PPP3CA: variants seen among roughly 807,000 people sequenced by gnomAD.
PPP3CA encodes the protein protein phosphatase 3 catalytic subunit alpha.
PPP3CA carries 14 observed loss-of-function variants against 66.5 expected under a neutral mutation model. The observed-to-expected ratio is 0.21, with a 90% CI of 0.14 to 0.33. The LOEUF is 0.33. Ranked by LOEUF, PPP3CA falls within the 10% of genes least tolerant of loss-of-function variation. PPP3CA has a pLI of 1.00. For synonymous variants in PPP3CA, 232 were observed against 226.2 expected (o/e 1.03, Z -0.23); for missense variants, 317 against 639.5 (o/e 0.50, Z 5.44).
chr4:101,130,001 G>A (rs1322841725), intron 2 of PPP3CA, among the ~76,000 whole-genome samples: 1 of 152,014 alleles, frequency 6.6e-6, no homozygotes, highest in African/African-American at 2.4e-5. Flanking sequence ...TAAGAACATT[G>A]ATACAAGGTT....
rs1206374807 is a variant in PPP3CA at position 101,049,820 on chromosome 4, A to G, written c.1157-9254T>C. 4.6e-5 allele frequency among the ~76,000 whole-genome samples: 7 copies of G among 152,108 alleles called. No homozygotes were observed. The East Asian group carries it at 1.3e-3, about 29-fold the overall frequency. ...GTCTCATATGTTTTACCCTAGATAA[A>G]AAGTTAATTTGAGTACCACTTGACA... On this transcript the variant is annotated intron_variant, in intron 10 of 13. Coordinates refer to ENST00000394854, the MANE Select transcript of PPP3CA (RefSeq NM_000944.5).
intron 1 of PPP3CA, among the ~76,000 whole-genome samples, chr4:101,197,024 A>G (rs1439743162): frequency 3.9e-5 from 6 of 152,088 alleles, no homozygotes; most frequent in Non-Finnish European, 8.8e-5. Flanking sequence ...CTATTTAAAA[A>G]CTCATTATTT....
At chr4:101,243,350 A>G (rs971968477) in intron 1 of PPP3CA, among the ~76,000 whole-genome samples, 2 of 152,276 alleles carry the variant, frequency 1.3e-5, no homozygotes, top group African/African-American at 2.4e-5. Flanking sequence ...AACCACGTAT[A>G]AAAGCATTAG....
intron 1 of PPP3CA, among the ~76,000 whole-genome samples, chr4:101,265,225 T>A (rs1176731634): frequency 1.8e-4 from 27 of 152,150 alleles, no homozygotes. Flanking sequence ...TAAGCGATCC[T>A]CCTGCCTCAG....
intron 1 of PPP3CA, among the ~76,000 whole-genome samples, chr4:101,335,929 G>A (rs1169117190): frequency 6.6e-6 from 1 of 152,206 alleles, no homozygotes; most frequent in East Asian, 1.9e-4. Flanking sequence ...AACTGGCCGG[G>A]CATGGTGGCT....
At chr4:101,141,508 C>G (rs1021272118) in intron 2 of PPP3CA, among the ~76,000 whole-genome samples, 3 of 152,120 alleles carry the variant, frequency 2.0e-5, no homozygotes, top group African/African-American at 7.2e-5. Flanking sequence ...CTAAAAATAC[C>G]AGGCCAATTC....
intron 1 of PPP3CA, among the ~76,000 whole-genome samples, chr4:101,300,974 G>A (rs1578645054): frequency 6.6e-6 from 1 of 152,096 alleles, no homozygotes; most frequent in East Asian, 1.9e-4. Context: ...AAAGGGAAAA[G>A]TATTCATCTA....
chr4:101,273,083 T>C (rs1039389160), intron 1 of PPP3CA, among the ~76,000 whole-genome samples: 10 of 152,120 alleles, frequency 6.6e-5, no homozygotes, highest in African/African-American at 2.4e-4. Flanking sequence ...AAGAATTTTA[T>C]AAATTTTCAT....
At chr4:101,141,091 C>A (rs1722793142) in intron 2 of PPP3CA, among the ~76,000 whole-genome samples, 1 of 152,064 alleles carries the variant, frequency 6.6e-6, no homozygotes, top group East Asian at 1.9e-4. Flanking sequence ...TGCTCAAAAC[C>A]CTGCAGTGGG....
At chr4:101,035,081 C>G (rs917965668) in intron 11 of PPP3CA, among the ~76,000 whole-genome samples, 1 of 152,138 alleles carries the variant, frequency 6.6e-6, no homozygotes, top group African/African-American at 2.4e-5. Context: ...GCCTGGCCAA[C>G]ATGGTGAAAC....
chr4:101,095,097 T>C (rs1730135327), intron 5 of PPP3CA, among the ~76,000 whole-genome samples: 1 of 152,082 alleles, frequency 6.6e-6, no homozygotes, highest in African/African-American at 2.4e-5. Flanking sequence ...ATGAAAAACT[T>C]CAATAAAACA....
intron 1 of PPP3CA, among the ~76,000 whole-genome samples, chr4:101,272,286 T>A (rs1727360159): frequency 6.6e-6 from 1 of 152,198 alleles, no homozygotes; most frequent in African/African-American, 2.4e-5. Context: ...GTACTACTAG[T>A]TCCATTTTAT....
At chr4:101,048,383 A>G (rs746750762) in intron 10 of PPP3CA, among the ~76,000 whole-genome samples, 3 of 151,980 alleles carry the variant, frequency 2.0e-5, no homozygotes, top group Non-Finnish European at 4.4e-5. Flanking sequence ...AGATTACTCT[A>G]TTTCTAGAGT....
rs993275054 is a variant in PPP3CA, at chr4:101,148,497, AT to A, written c.260-39420del. On this transcript the variant is annotated intron_variant, in intron 2 of 13. Transcript: ENST00000394854. The stretch of plus-strand genomic sequence containing the variant: ...ATGAAAAGAAACATTACCATAATTT[AT>A]TTTTTATACTTACAAATAGTGAATT... 3.9e-5 allele frequency among the ~76,000 whole-genome samples: 6 copies of A among 152,250 alleles called. No individual in the cohort carries two copies. In the East Asian group the frequency reaches 1.2e-3, roughly 29 times the overall value.
At chr4:101,079,589 G>A (rs187565277) in intron 8 of PPP3CA, among the ~76,000 whole-genome samples, 89 of 152,072 alleles carry the variant, frequency 5.9e-4, no homozygotes, top group African/African-American at 2.1e-3. Context: ...CACCGTGTTA[G>A]CCAGTTTGGT....
At position 101,285,413 on chromosome 4, in the gene PPP3CA, C is replaced by T. The variant is rs748093982; in HGVS notation, c.58+61326G>A. On this transcript the variant is annotated intron_variant, in intron 1 of 13. Transcript: ENST00000394854. ...CACTAATCTGTAAATAAATGGAATA[C>T]AAGATTTATAACCCCTGTACATATC... Among the ~76,000 whole-genome samples the T allele has an allele frequency of 3.1e-4, 47 of 151,906 alleles. 1 individual carries two copies. The highest frequency in any genetic ancestry group is 3.2e-3 in the Middle Eastern group (1 of 316).
chr4:101,327,882 A>C (rs1460253260), intron 1 of PPP3CA, among the ~76,000 whole-genome samples: 1 of 152,210 alleles, frequency 6.6e-6, no homozygotes, highest in Non-Finnish European at 1.5e-5. Context: ...TAGTTGTATG[A>C]ACGTTACTCA....
rs181339504 is a variant in PPP3CA at position 101,248,238 on chromosome 4, G to A, written c.59-52122C>T. Among the ~76,000 whole-genome samples the A allele has an allele frequency of 8.7e-4, 133 of 152,332 alleles. 1 individual carries two copies. Among genetic ancestry groups the A allele is most frequent in the African/African-American group, 3.1e-3 (129 of 41,576 alleles). On this transcript the variant is annotated intron_variant, in intron 1 of 13. Coordinates refer to ENST00000394854, the MANE Select transcript of PPP3CA (RefSeq NM_000944.5). The stretch of plus-strand genomic sequence containing the variant: ...AGAATGTGGAAGAAGTCACCTGACA[G>A]CAGTATGATGTAAAAATAACTTGAG...
chr4:101,082,016 T>C (rs976070604), intron 7 of PPP3CA, among the ~76,000 whole-genome samples: 4 of 152,232 alleles, frequency 2.6e-5, no homozygotes. Flanking sequence ...AAATACTTGA[T>C]ATTAACTGAT....
Sources: gnomAD v4.1 joint callset for allele counts (sites outside exome capture counted in the v4.1 genomes callset) on GRCh38, gnomAD v4.1.1 for gene constraint, MANE v1.5 for transcripts, NCBI Gene and HGNC (gene_info 2026-07-23, HGNC 2026-07-21) for gene names.